CTNNA3: variants seen among roughly 807,000 people sequenced by gnomAD.
CTNNA3 encodes the protein catenin alpha-3.
In CTNNA3, 76 loss-of-function variants were observed where a neutral mutation model predicts 95.7. That is an observed-to-expected ratio of 0.79 (90% CI 0.66 to 0.96). CTNNA3 has a LOEUF of 0.96. Among genes scored for constraint, CTNNA3 ranks in the 40% least tolerant of loss-of-function variants. CTNNA3 has a pLI of 0.00. For synonymous variants in CTNNA3, 431 were observed against 374.4 expected, an observed-to-expected ratio of 1.15 and a Z score of -1.74; for missense variants, 1,191 against 1,089.8, an observed-to-expected ratio of 1.09 and a Z score of -1.31.
chr10:67,168,589 TGTTAAA>T (rs1861882049), intron 7 of CTNNA3, among the ~76,000 whole-genome samples: 1 of 152,222 alleles, frequency 6.6e-6, no homozygotes, highest in African/African-American at 2.4e-5. Flanking sequence ...CACCCGTTCA[TGTTAAA>T]AACTTCTAAT....
chr10:65,923,921 T>A lies in CTNNA3; in HGVS notation c.2401-3304A>T, dbSNP rs76350600. On this transcript the variant is annotated intron_variant, in intron 17 of 17. Transcript: ENST00000433211. ...AAGATGCTTTTTTTCCTAAAGCTAA[T>A]TTTTTTCTGAAGGAGATACTCTAGG... Among the ~76,000 whole-genome samples, 270 of 152,220 alleles carry A rather than the reference T, an allele frequency of 1.8e-3. 7 individuals carry two copies. In the East Asian group the frequency reaches 0.041, roughly 23 times the overall value.
Position 66,927,792 on chromosome 10 carries a change from T to C in CTNNA3, c.1048-152268A>G. 1 of 1,614,208 alleles carries C rather than the reference T, an allele frequency of 6.2e-7. No homozygotes were observed. The highest frequency in any genetic ancestry group is 1.1e-5 in the South Asian group (1 of 91,084). The stretch of plus-strand genomic sequence containing the variant: ...ACCTGGATTCCAACAAGCTCACATT[T>C]ATTGGTCAAGAGATTTTGGATTCTT... On this transcript the variant is annotated intron_variant, in intron 7 of 17. Coordinates refer to ENST00000433211, the MANE Select transcript of CTNNA3 (RefSeq NM_013266.4). This position sits in a 1 kb window ranked among gnomAD's most constrained non-coding sequence, Gnocchi z 4.7.
chr10:65,978,918 T>G (rs2078262746), intron 16 of CTNNA3, among the ~76,000 whole-genome samples: 1 of 152,140 alleles, frequency 6.6e-6, no homozygotes, highest in East Asian at 1.9e-4. Context: ...AAGGTACCTA[T>G]AGAAGTATGA....
chr10:66,466,434 C>CCT (rs1322465666), intron 11 of CTNNA3, among the ~76,000 whole-genome samples: 9 of 151,680 alleles, frequency 5.9e-5, no homozygotes, highest in Non-Finnish European at 4.4e-5. Context: ...CCTGCAAGGA[C>CCT]CTCTCATCAC....
At chr10:66,769,361 A>C (rs1839994500) in intron 8 of CTNNA3, among the ~76,000 whole-genome samples, 1 of 152,212 alleles carries the variant, frequency 6.6e-6, no homozygotes, top group Admixed American at 6.5e-5. Flanking sequence ...ATCTTAACCC[A>C]TGCAAAAAAC....
At chr10:67,747,528 A>G (rs1841380384) in intron 1 of CTNNA3, among the ~76,000 whole-genome samples, 1 of 152,192 alleles carries the variant, frequency 6.6e-6, no homozygotes, top group Admixed American at 6.5e-5. Flanking sequence ...CCTACAGAAG[A>G]GGGGCCTGTT....
intron 5 of CTNNA3, among the ~76,000 whole-genome samples, chr10:67,341,443 A>G (rs1173633580): frequency 6.6e-6 from 1 of 152,122 alleles, no homozygotes; most frequent in Admixed American, 6.5e-5. Flanking sequence ...GAGAACATGC[A>G]ATGTTTGTCT....
intron 17 of CTNNA3, among the ~76,000 whole-genome samples, chr10:65,928,523 T>C (rs762579086): frequency 2.6e-5 from 4 of 152,208 alleles, no homozygotes; most frequent in Non-Finnish European, 5.9e-5. Flanking sequence ...TTTACCCTTT[T>C]ATTACTTGAC....
intron 13 of CTNNA3, among the ~76,000 whole-genome samples, chr10:66,233,663 G>A (rs1314952754): frequency 1.4e-5 from 2 of 143,868 alleles, no homozygotes; most frequent in Admixed American, 7.3e-5. Context: ...ATATCATTGA[G>A]TGTTGGCCAA....
At chr10:67,155,573 T>TGTTG (rs1277667831) in intron 7 of CTNNA3, among the ~76,000 whole-genome samples, 8 of 151,858 alleles carry the variant, frequency 5.3e-5, no homozygotes, top group Non-Finnish European at 1.2e-4. Flanking sequence ...CTTCTTTTAG[T>TGTTG]TACCAAATAA....
intron 12 of CTNNA3, among the ~76,000 whole-genome samples, chr10:66,333,746 T>C (rs374995465): frequency 1.3e-5 from 2 of 151,670 alleles, no homozygotes; most frequent in South Asian, 2.1e-4. Context: ...CTATTAGGTC[T>C]GCTTGGTGCA....
At chr10:67,001,705 A>T (rs1266964892) in intron 7 of CTNNA3, among the ~76,000 whole-genome samples, 2 of 152,124 alleles carry the variant, frequency 1.3e-5, no homozygotes. Flanking sequence ...AATTTACAAA[A>T]CTGTGATTTA....
Position 66,042,899 on chromosome 10 carries a change from C to CAAA in CTNNA3, c.2159+26406_2159+26408dup, listed in dbSNP as rs60090636. On this transcript the variant is annotated intron_variant, in intron 15 of 17. Transcript: ENST00000433211. Reference sequence around the variant, plus strand: ...TGGGTGACTGAGCGAGACTCTGTCTCAAAAAAAAAAAAAAAAAAAAAAAAA... The same window carrying CAAA: ...TGGGTGACTGAGCGAGACTCTGTCTCAAAAAAAAAAAAAAAAAAAAAAAAAAAA... Among the ~76,000 whole-genome samples the CAAA allele has an allele frequency of 2.9e-3, 145 of 50,418 alleles. 10 individuals carry two copies. Among genetic ancestry groups the CAAA allele is most frequent in the African/African-American group, 7.6e-3 (88 of 11,516 alleles). 33.1% of individuals were successfully genotyped at this position (50,418 alleles called of 152,430 possible).
rs530873282 is a variant in CTNNA3 at position 66,793,128 on chromosome 10, G to C, written c.1048-17604C>G. ...CAGGTGTAATGAGGTTTTGGGGGGA[G>C]TAGGTTTTTGTTTCATTTTCTTGTT... On this transcript the variant is annotated intron_variant, in intron 7 of 17. Transcript: ENST00000433211. Among the ~76,000 whole-genome samples the C allele has an allele frequency of 2.0e-5, 3 of 152,058 alleles. No homozygotes were observed. The South Asian group carries it at 6.2e-4, about 32-fold the overall frequency.
intron 5 of CTNNA3, among the ~76,000 whole-genome samples, chr10:67,237,156 A>ATATG: frequency 1.0e-5 from 1 of 99,624 alleles, no homozygotes; most frequent in South Asian, 3.0e-4. Context: ...ATATATATAT[A>ATATG]TATATATATA....
intron 7 of CTNNA3, among the ~76,000 whole-genome samples, chr10:66,799,224 T>C (rs1446277762): frequency 1.3e-5 from 2 of 151,570 alleles, no homozygotes; most frequent in African/African-American, 2.4e-5. Flanking sequence ...TAAATAGTCA[T>C]GTAAAGGAGT....
chr10:67,409,292 T>C lies in CTNNA3; in HGVS notation c.579+112550A>G, dbSNP rs375916325. Among the ~76,000 whole-genome samples the C allele has an allele frequency of 1.4e-3, 207 of 152,240 alleles. 1 individual carries two copies. Among genetic ancestry groups the C allele is most frequent in the African/African-American group, 4.6e-3 (193 of 41,534 alleles). On this transcript the variant is annotated intron_variant, in intron 5 of 17. Coordinates refer to ENST00000433211, the MANE Select transcript of CTNNA3 (RefSeq NM_013266.4). ...TATAAAGACGCATGCACACGTATGT[T>C]TATTGCGGCACTATTCATAATAGCA...
rs148278459 is a variant in CTNNA3 at position 66,481,461 on chromosome 10, C to CT, written c.1531+39155dup. ...AAGCAAAAACCTTATTCCCTTGTTT[C>CT]TTTTTTTTTTTTTTTTTTTTTTTTT... On this transcript the variant is annotated intron_variant, in intron 11 of 17. Coordinates refer to ENST00000433211, the MANE Select transcript of CTNNA3 (RefSeq NM_013266.4). Among the ~76,000 whole-genome samples the CT allele has an allele frequency of 6.3e-3, 459 of 73,246 alleles. 48 individuals are homozygous for CT. The highest frequency in any genetic ancestry group is 8.7e-3 in the Non-Finnish European group (361 of 41,308). The allele number at this position is 73,246 out of a possible 152,430, so 48.1% of individuals were successfully genotyped here.
At chr10:66,438,820 G>A (rs1224450122) in intron 11 of CTNNA3, among the ~76,000 whole-genome samples, 4 of 152,166 alleles carry the variant, frequency 2.6e-5, no homozygotes, top group African/African-American at 9.7e-5. Flanking sequence ...GGCCCTGGGA[G>A]TGTAGGCACC....
Sources: gnomAD v4.1 joint callset for allele counts (sites outside exome capture counted in the v4.1 genomes callset) on GRCh38, gnomAD v4.1.1 for gene constraint, Gnocchi (gnomAD v3.1) non-coding constraint, MANE v1.5 for transcripts, NCBI Gene and HGNC (gene_info 2026-07-23, HGNC 2026-07-21) for gene names.